The following RNF213 variants were observed in gnomAD, a reference collection of about 807,000 sequenced individuals.
RNF213 encodes ring finger protein 213.
Under a neutral mutation model 514.4 loss-of-function variants are expected in RNF213, and 341 were observed. The ratio of observed to expected loss-of-function variants is 0.66; its 90% CI spans 0.61 to 0.73. RNF213 has a LOEUF of 0.73. Among genes scored for constraint, RNF213 ranks in the 30% least tolerant of loss-of-function variants. The pLI is 0.00. For missense variants in RNF213, 5,767 were observed against 6,615.6 expected (o/e 0.87, Z 4.45); for synonymous variants, 2,655 against 2,658.2 (o/e 1.00, Z 0.04).
intron 22 of RNF213, chr17:80,334,498 C>T (rs947274063): frequency 7.3e-6 from 3 of 410,794 alleles, no homozygotes; most frequent in African/African-American, 2.0e-5. Flanking sequence ...TGCCACACCC[C>T]GCCACTTCGG....
chr17:80,302,366 A>G (rs978557166), intron 11 of RNF213, among the ~76,000 whole-genome samples: 4 of 152,210 alleles, frequency 2.6e-5, no homozygotes, highest in Admixed American at 6.5e-5. Context: ...ATGCATATAT[A>G]TTGTATCCAT....
In RNF213 at chr17:80,294,893, C is replaced by T. The variant is rs763442462; in HGVS notation, c.1645C>T (p.Leu549=). Reference sequence around the variant, plus strand: ...CCTGCAGACCTGGGACACCATCAACCTGAACAGCTTCTTCACCCAGTTCGA... The same window carrying T: ...CCTGCAGACCTGGGACACCATCAACTTGAACAGCTTCTTCACCCAGTTCGA... ...SILQTWDTIN[L]NSFFTQFEQF... is the part of the protein sequence containing the mutation. The change falls in exon 9 of 68, where the codon CTG becomes TTG. Residue 549 remains leucine (L), a synonymous_variant. Transcript: ENST00000582970. 7 of 1,614,116 alleles carry T rather than the reference C, an allele frequency of 4.3e-6. No individual in the cohort carries two copies. The highest frequency in any genetic ancestry group is 5.9e-6 in the Non-Finnish European group (7 of 1,180,048).
chr17:80,362,731 G>C (rs750543832), intron 39 of RNF213, among the ~76,000 whole-genome samples: 4 of 152,244 alleles, frequency 2.6e-5, no homozygotes, highest in Non-Finnish European at 5.9e-5. Context: ...TGGTTCACAG[G>C]GATGTCCTTT....
At chr17:80,325,266 G>A in intron 18 of RNF213, 68 bp downstream of exon 18, 2 of 1,422,874 alleles carry the variant, frequency 1.4e-6, no homozygotes, top group East Asian at 2.5e-5. Context: ...GGGAAAGGTG[G>A]GAGGCAGAAG....
intron 22 of RNF213, among the ~76,000 whole-genome samples, chr17:80,335,837 C>T (rs901817144): frequency 1.5e-4 from 23 of 151,802 alleles, no homozygotes; most frequent in African/African-American, 5.3e-4. Flanking sequence ...ATTAGCCAGG[C>T]GTGGTGGTGG....
In RNF213 at chr17:80,354,107, G is replaced by A. The variant is rs867299197; in HGVS notation, c.10667G>A (p.Arg3556His). 9 of 1,614,076 alleles carry A rather than the reference G, an allele frequency of 5.6e-6. No homozygotes were observed. The highest frequency in any genetic ancestry group is 3.3e-5 in the Admixed American group (2 of 60,026). The change falls in exon 35 of 68, where the codon CGC (arginine) becomes CAC (histidine). Residue 3556 changes from arginine to histidine, a missense_variant. By Grantham distance (29) the Arg-to-His change is conservative. Around this residue, in one of 13 missense-constraint regions of RNF213, gnomAD observed 919 missense variants for 1,121.0 expected, o/e 0.82. Coordinates refer to ENST00000582970, the MANE Select transcript of RNF213 (RefSeq NM_001256071.3). The part of the protein sequence containing the change: ...MLRDQNESCT[R>H]NMRRVVLLLG... ...AGAGACCAGAACGAGAGCTGCACGC[G>A]CAATATGCGGAGGGTGGTGCTCCTC...
Position 80,347,075 on chromosome 17 carries a change from G to A in RNF213, c.8740G>A (p.Ala2914Thr), listed in dbSNP as rs187719193. 1.2e-5 allele frequency: 19 copies of A among 1,614,056 alleles called. No individual in the cohort carries two copies. The East Asian group carries it at 2.2e-4, about 19-fold the overall frequency. The change falls in exon 29 of 68, where the codon GCC becomes ACC. Residue 2914 changes from alanine (A) to threonine (T), a missense_variant. Coordinates refer to ENST00000582970, the MANE Select transcript of RNF213 (RefSeq NM_001256071.3). The surrounding 1 kb of genome is among the most constrained non-coding windows in gnomAD (Gnocchi z 7.2). ...SPNETELIES[A>T]KGICSSDILV... The stretch of plus-strand genomic sequence containing the variant: ...CAACGAGACAGAGCTCATAGAGAGC[G>A]CCAAGGGCATCTGCTCCTCAGACAT...
chr17:80,277,595 C>CAAAAA (rs34659718), intron 3 of RNF213, among the ~76,000 whole-genome samples: 2 of 69,720 alleles, frequency 2.9e-5, no homozygotes, highest in Non-Finnish European at 2.8e-5. Flanking sequence ...GACTCTGTCT[C>CAAAAA]AAAAAAAAAA....
rs765418314 is a variant in RNF213, at chr17:80,388,636, C to G, written c.14947C>G (p.His4983Asp). Residue 4983 changes from histidine (H) to aspartate (D), a missense_variant, in exon 64 of 68, where the codon CAC becomes GAC. By Grantham distance (81) the His-to-Asp change is moderately conservative. This residue lies in a region of RNF213 where 1,245 missense variants were observed against 1,339.0 expected (regional missense o/e 0.93). Transcript: ENST00000582970. ...GGGAATACCCACTCTGGTGTACAGA[C>G]ACGACTGGAACTATGAACATCTCTT... ...LKGIPTLVYR[H>D]DWNYEHLFMD... 6 of 1,612,684 alleles carry G rather than the reference C, an allele frequency of 3.7e-6. No homozygotes were observed. The highest frequency in any genetic ancestry group is 5.1e-6 in the Non-Finnish European group (6 of 1,179,066).
In RNF213 at chr17:80,332,298, G is replaced by A; in HGVS notation, c.3810G>A (p.Glu1270=). Residue 1270 remains glutamate (E), a synonymous_variant, in exon 21 of 68, where the codon GAG becomes GAA. Transcript: ENST00000582970. ...AAGAATCAGAAAGGCACATCCTTGAGCTTGAAGAGGTGTATGACTATTTGT... is the reference window on the plus strand; with the variant it reads ...AAGAATCAGAAAGGCACATCCTTGAACTTGAAGAGGTGTATGACTATTTGT... The part of the protein sequence containing the change: ...PEEESERHIL[E]LEEVYDYLYQ... 6.5e-6 allele frequency: 10 copies of A among 1,537,224 alleles called. No individual in the cohort carries two copies. Among genetic ancestry groups the A allele is most frequent in the Admixed American group, 2.0e-5 (1 of 51,008 alleles).
intron 2 of RNF213, among the ~76,000 whole-genome samples, chr17:80,271,154 C>T (rs1305654460): frequency 6.6e-6 from 1 of 151,854 alleles, no homozygotes; most frequent in East Asian, 2.0e-4. Context: ...GCTCAGAATC[C>T]CTGGTTGTAG....
intron 49 of RNF213, among the ~76,000 whole-genome samples, chr17:80,373,384 C>G (rs766484791): frequency 7.3e-5 from 11 of 151,524 alleles, no homozygotes; most frequent in Non-Finnish European, 1.3e-4. Flanking sequence ...TTCCGCCTGC[C>G]CTTAGCATCC....
chr17:80,386,155 T>G, intron 61 of RNF213, 95 bp from the exon 62 acceptor site: 2 of 1,219,906 alleles, frequency 1.6e-6, no homozygotes, highest in Non-Finnish European at 2.4e-6. Context: ...CGGCTGTGTG[T>G]GGAGCTGATG....
Position 80,355,449 on chromosome 17 carries a change from C to T in RNF213, c.10862+873C>T, listed in dbSNP as rs1293490043. Among the ~76,000 whole-genome samples, 46 of 47,988 alleles carry T rather than the reference C, an allele frequency of 9.6e-4. 1 individual carries two copies. The highest frequency in any genetic ancestry group is 1.4e-3 in the Admixed American group (5 of 3,652). 31.5% of individuals were successfully genotyped at this position (47,988 alleles called of 152,430 possible). On this transcript the variant is annotated intron_variant, in intron 36 of 67. Coordinates refer to ENST00000582970, the MANE Select transcript of RNF213 (RefSeq NM_001256071.3). ...AGCGGGGTGGATGGGAATCGGGGCT[C>T]ACGGAGGAAGAGGGGTGACCGGGAA...
chr17:80,287,960 G>A lies in RNF213; in HGVS notation c.407G>A (p.Ser136Asn). 1 of 1,571,844 alleles carries A rather than the reference G, an allele frequency of 6.4e-7. No individual in the cohort carries two copies. Among genetic ancestry groups the A allele is most frequent in the Non-Finnish European group, 8.6e-7 (1 of 1,158,650 alleles). ...CCTCAGGACACAGCCCTGCCCCACA[G>A]CCAAGCCCAGCAGAGTGGCCCCACT... The part of the protein sequence containing the change: ...PWPQDTALPH[S>N]QAQQSGPTGQ... The change falls in exon 4 of 68, where the codon AGC becomes AAC. Residue 136 changes from serine (S) to asparagine (N), a missense_variant. By Grantham distance (46) the Ser-to-Asn change is conservative. Coordinates refer to ENST00000582970, the MANE Select transcript of RNF213 (RefSeq NM_001256071.3).
chr17:80,295,009 A>G lies in RNF213; in HGVS notation c.1755+6A>G, dbSNP rs1252707411. On this transcript the variant is annotated splice_donor_region_variant and intron_variant, in intron 9 of 67. Coordinates refer to ENST00000582970, the MANE Select transcript of RNF213 (RefSeq NM_001256071.3). ...TGCAGTACAGGGAGAAAGAGGTATC[A>G]GGCTTGCCACCAGCTGCTCTACCTG... is the stretch of plus-strand genomic sequence containing the variant. The G allele has an allele frequency of 1.2e-6, 2 of 1,614,032 alleles. No individual in the cohort carries two copies. The highest frequency in any genetic ancestry group is 1.7e-6 in the Non-Finnish European group (2 of 1,180,032).
At position 80,363,149 on chromosome 17, in the gene RNF213, G is replaced by A. The variant is rs764865975; in HGVS notation, c.11403G>A (p.Ala3801=). The change falls in exon 40 of 68, where the codon GCG becomes GCA. Residue 3801 remains alanine (A), a synonymous_variant. Transcript: ENST00000582970. ...LWSCTRKLKA[A]SEAPEEEVSL... ...CCTGCACTAGGAAACTGAAAGCGGCGTCAGAAGCGCCCGAGGAAGAGGTTT... is the reference window on the plus strand; with the variant it reads ...CCTGCACTAGGAAACTGAAAGCGGCATCAGAAGCGCCCGAGGAAGAGGTTT... The A allele has an allele frequency of 1.1e-5, 18 of 1,614,104 alleles. No individual in the cohort carries two copies. The highest frequency in any genetic ancestry group is 4.5e-5 in the East Asian group (2 of 44,900).
At chr17:80,281,516 A>AC (rs1473014466) in intron 3 of RNF213, among the ~76,000 whole-genome samples, 1 of 76,510 alleles carries the variant, frequency 1.3e-5, no homozygotes, top group Non-Finnish European at 2.5e-5. Flanking sequence ...CACACACCCC[A>AC]ACACACACAT....
Position 80,345,856 on chromosome 17 carries a change from G to A in RNF213, c.7521G>A (p.Val2507=), listed in dbSNP as rs1436606809. The A allele has an allele frequency of 6.2e-7, 1 of 1,614,034 alleles. No individual in the cohort carries two copies. Among genetic ancestry groups the A allele is most frequent in the African/African-American group, 1.3e-5 (1 of 74,952 alleles). The stretch of plus-strand genomic sequence containing the variant: ...AAGAAGTCCTGTGTGATCATATGGT[G>A]GATGGCCAGCCTCTGGCTGAGGACT... The part of the protein sequence containing the change: ...CIKEVLCDHM[V]DGQPLAEDSG... Residue 2507 remains valine, a synonymous_variant, in exon 29 of 68, where the codon GTG becomes GTA. Coordinates refer to ENST00000582970, the MANE Select transcript of RNF213 (RefSeq NM_001256071.3). The surrounding 1 kb of genome is among the most constrained non-coding windows in gnomAD (Gnocchi z 6.0).
Sources: allele counts gnomAD v4.1 joint callset (sites outside exome capture counted in the v4.1 genomes callset), GRCh38; gene constraint gnomAD v4.1.1; regional missense constraint gnomAD v4.1.1; non-coding constraint Gnocchi (gnomAD v3.1); transcripts MANE v1.5; gene names NCBI Gene and HGNC (gene_info 2026-07-23, HGNC 2026-07-21).